The following RBFOX1 variants were observed in gnomAD, a reference collection of about 807,000 sequenced individuals.
The protein encoded by RBFOX1 is RNA binding fox-1 homolog 1, also known as RNA binding protein fox-1 homolog 1.
Under a neutral mutation model 57.7 loss-of-function variants are expected in RBFOX1, and 8 were observed. The ratio of observed to expected loss-of-function variants is 0.14; its 90% CI spans 0.08 to 0.25. RBFOX1 has a LOEUF of 0.25. Among genes scored for constraint, RBFOX1 ranks in the 10% least tolerant of loss-of-function variants. The pLI, the probability that RBFOX1 is intolerant of heterozygous loss-of-function variation, is 1.00. For synonymous variants in RBFOX1, 326 were observed against 222.4 expected, an observed-to-expected ratio of 1.47 and a Z score of -4.15; for missense variants, 611 against 548.5, an observed-to-expected ratio of 1.11 and a Z score of -1.14.
chr16:6,492,483 C>G (rs182892776), intron 2 of RBFOX1, among the ~76,000 whole-genome samples: 2 of 152,122 alleles, frequency 1.3e-5, no homozygotes, highest in African/African-American at 4.8e-5. Flanking sequence ...GCAGGAGAAT[C>G]GCTTGAACCC....
At chr16:6,405,561 T>C (rs1402750742) in intron 2 of RBFOX1, among the ~76,000 whole-genome samples, 2 of 152,194 alleles carry the variant, frequency 1.3e-5, no homozygotes, top group African/African-American at 2.4e-5. Context: ...GTGAAACTCC[T>C]TGGTCAGAAC....
intron 3 of RBFOX1, among the ~76,000 whole-genome samples, chr16:6,688,971 C>T (rs966301283): frequency 3.4e-5 from 5 of 146,396 alleles, no homozygotes; most frequent in African/African-American, 1.0e-4. Context: ...ATGAACTCAT[C>T]CTTTTTTATG....
chr16:6,569,459 C>T (rs1371857075), intron 2 of RBFOX1, among the ~76,000 whole-genome samples: 1 of 152,180 alleles, frequency 6.6e-6, no homozygotes, highest in African/African-American at 2.4e-5. Flanking sequence ...CACAGCTAAT[C>T]AGTGCCAAAG....
chr16:6,373,025 G>C (rs1026133849), intron 2 of RBFOX1, among the ~76,000 whole-genome samples: 3 of 151,534 alleles, frequency 2.0e-5, no homozygotes, highest in Admixed American at 6.6e-5. Context: ...TGGTTGGGTG[G>C]AATGGAGATT....
chr16:5,943,548 C>T (rs1264347087), intron 4 of RBFOX1, among the ~76,000 whole-genome samples: 3 of 152,214 alleles, frequency 2.0e-5, no homozygotes, highest in African/African-American at 7.2e-5. Context: ...GGTCAAGACA[C>T]AGCACTGGGA....
intron 2 of RBFOX1, among the ~76,000 whole-genome samples, chr16:5,494,508 A>T (rs1169525910): frequency 6.6e-6 from 1 of 152,218 alleles, no homozygotes; most frequent in Non-Finnish European, 1.5e-5. Context: ...TGCTTTGAAA[A>T]GCTGAAGGCA....
chr16:7,417,009 C>G (rs1187863958), intron 4 of RBFOX1, among the ~76,000 whole-genome samples: 1 of 152,050 alleles, frequency 6.6e-6, no homozygotes, highest in Non-Finnish European at 1.5e-5. Flanking sequence ...GGCTCGTAAA[C>G]TTACACTTTG....
At chr16:6,734,361 G>A (rs1433944037) in intron 3 of RBFOX1, among the ~76,000 whole-genome samples, 5 of 152,142 alleles carry the variant, frequency 3.3e-5, no homozygotes, top group African/African-American at 1.2e-4. Context: ...TCACAAGATT[G>A]CTAATCATTG....
intron 4 of RBFOX1, among the ~76,000 whole-genome samples, chr16:7,073,897 G>C (rs2057827061): frequency 2.1e-5 from 3 of 146,284 alleles, no homozygotes; most frequent in South Asian, 2.3e-4. Flanking sequence ...GTGTAGAAAA[G>C]AAAAAAAAAT....
chr16:6,236,515 A>G (rs1229317148), intron 1 of RBFOX1, among the ~76,000 whole-genome samples: 2 of 151,810 alleles, frequency 1.3e-5, no homozygotes, highest in Non-Finnish European at 2.9e-5. Context: ...GCTCACTGCA[A>G]CCTCTGTCTC....
intron 3 of RBFOX1, among the ~76,000 whole-genome samples, chr16:6,952,317 C>G (rs541120752): frequency 2.8e-4 from 42 of 152,320 alleles, no homozygotes; most frequent in Middle Eastern, 6.8e-3. Context: ...AAAAGTAGAA[C>G]TCCAGTTTTG....
chr16:6,596,183 T>G (rs111479831), intron 2 of RBFOX1, among the ~76,000 whole-genome samples: 1 of 151,926 alleles, frequency 6.6e-6, no homozygotes, highest in Non-Finnish European at 1.5e-5. Context: ...AGAATCTGTT[T>G]TTCACCCCAA....
intron 2 of RBFOX1, among the ~76,000 whole-genome samples, chr16:6,478,147 C>A (rs1384234470): frequency 6.6e-6 from 1 of 150,562 alleles, no homozygotes; most frequent in African/African-American, 2.4e-5. Flanking sequence ...AGCACTTTTA[C>A]TTTCCTTTAA....
At chr16:7,491,128 A>C (rs1175286356) in intron 4 of RBFOX1, among the ~76,000 whole-genome samples, 2 of 152,062 alleles carry the variant, frequency 1.3e-5, no homozygotes, top group Non-Finnish European at 2.9e-5. Context: ...TCAGCCCTCT[A>C]ATTATACTAA....
chr16:7,678,103 C>G (rs913283461), intron 14 of RBFOX1, among the ~76,000 whole-genome samples: 3 of 152,208 alleles, frequency 2.0e-5, no homozygotes, highest in African/African-American at 7.2e-5. Context: ...GAGTTGAGAT[C>G]TGCTATCTGG....
intron 2 of RBFOX1, among the ~76,000 whole-genome samples, chr16:6,447,751 T>C (rs142170436): frequency 1.3e-5 from 2 of 152,322 alleles, no homozygotes; most frequent in East Asian, 1.9e-4. Context: ...TGAAGAGTTA[T>C]GGGAAGGCTT....
chr16:7,065,791 C>T (rs1486775929), intron 4 of RBFOX1, among the ~76,000 whole-genome samples: 1 of 152,044 alleles, frequency 6.6e-6, no homozygotes, highest in Non-Finnish European at 1.5e-5. Flanking sequence ...ATTATTTGAC[C>T]AATATCTCCT....
intron 3 of RBFOX1, among the ~76,000 whole-genome samples, chr16:6,950,877 C>T (rs191922469): frequency 2.8e-4 from 42 of 151,138 alleles, no homozygotes; most frequent in African/African-American, 9.2e-4. Flanking sequence ...CTCTCTTTCT[C>T]TCTTTCTGTT....
intron 3 of RBFOX1, among the ~76,000 whole-genome samples, chr16:6,828,452 A>T (rs2092406383): frequency 6.6e-6 from 1 of 152,048 alleles, no homozygotes; most frequent in African/African-American, 2.4e-5. Context: ...TGAACCCAGG[A>T]GGAAGAGGTT....
Sources: gnomAD v4.1 joint callset for allele counts (sites outside exome capture counted in the v4.1 genomes callset) on GRCh38, gnomAD v4.1.1 for gene constraint, MANE v1.5 for transcripts, NCBI Gene and HGNC (gene_info 2026-07-23, HGNC 2026-07-21) for gene names.